NBEAL1: variants seen among roughly 807,000 people sequenced by gnomAD.
NBEAL1 encodes neurobeachin-like protein 1.
Under a neutral mutation model 351.3 loss-of-function variants are expected in NBEAL1, and 273 were observed. That is an observed-to-expected ratio of 0.78 (90% CI 0.70 to 0.86). NBEAL1 has a LOEUF of 0.86. Ranked by LOEUF, NBEAL1 falls within the 40% of genes least tolerant of loss-of-function variation. The pLI is 0.00. For missense variants in NBEAL1, 2,961 were observed against 3,201.3 expected (o/e 0.92, Z 1.81); for synonymous variants, 1,050 against 1,086.4 (o/e 0.97, Z 0.66).
intron 44 of NBEAL1, among the ~76,000 whole-genome samples, chr2:203,183,899 G>A (rs1224028826): frequency 2.0e-5 from 3 of 151,042 alleles, no homozygotes; most frequent in Non-Finnish European, 4.4e-5. Flanking sequence ...CCAACATGGT[G>A]AAACCTCATG....
At chr2:203,181,667 T>G (rs2105738676) in intron 43 of NBEAL1, 1 of 152,324 alleles carries the variant, frequency 6.6e-6, no homozygotes. Flanking sequence ...TGACCCTTCA[T>G]TTATTCAGTA....
chr2:203,202,921 G>A, intron 51 of NBEAL1, 140 bp downstream of exon 51: 1 of 584,308 alleles, frequency 1.7e-6, no homozygotes, highest in Non-Finnish European at 3.0e-6. Flanking sequence ...ATTTTGTCCT[G>A]TTCAAATCAC....
chr2:203,208,553 A>C, intron 51 of NBEAL1, 84 bp from the exon 52 acceptor site: 2 of 874,086 alleles, frequency 2.3e-6, no homozygotes, highest in Non-Finnish European at 1.9e-6. Context: ...GTTTGTGATT[A>C]GAAGGTTTAA....
chr2:203,127,977 T>C (rs1405959484), intron 24 of NBEAL1, 40 bp downstream of exon 24: 1 of 1,437,402 alleles, frequency 7.0e-7, no homozygotes, highest in Non-Finnish European at 9.5e-7. Context: ...CTTTTTAACA[T>C]TTGAGTTGCT....
chr2:203,046,466 G>A (rs896858600), intron 3 of NBEAL1, among the ~76,000 whole-genome samples: 5 of 151,988 alleles, frequency 3.3e-5, no homozygotes, highest in African/African-American at 9.7e-5. Flanking sequence ...TGATCCACCC[G>A]CCTCGGCCTC....
At chr2:203,095,048 C>T (rs767483071) in intron 10 of NBEAL1, among the ~76,000 whole-genome samples, 1 of 151,998 alleles carries the variant, frequency 6.6e-6, no homozygotes, top group East Asian at 2.0e-4. Context: ...TGATTGAACC[C>T]AGGAGGTGGA....
intron 6 of NBEAL1, among the ~76,000 whole-genome samples, chr2:203,064,883 G>C (rs1453292287): frequency 6.6e-6 from 1 of 152,046 alleles, no homozygotes; most frequent in Non-Finnish European, 1.5e-5. Context: ...CTATACTGTG[G>C]TATTATATAA....
intron 49 of NBEAL1, among the ~76,000 whole-genome samples, chr2:203,201,106 T>A (rs1479138193): frequency 6.6e-6 from 1 of 152,224 alleles, no homozygotes; most frequent in Non-Finnish European, 1.5e-5. Flanking sequence ...TCATAAGTGT[T>A]GTTAGATACA....
In NBEAL1 at chr2:203,127,895, A is replaced by G; in HGVS notation, c.3363A>G (p.Gln1121=). The G allele has an allele frequency of 1.9e-6, 3 of 1,552,374 alleles. No individual in the cohort carries two copies. Among genetic ancestry groups the G allele is most frequent in the Non-Finnish European group, 2.6e-6 (3 of 1,146,144 alleles). ...LCKGGSHEEI[Q]SIMGYIAATN... ...AAGGTGGATCTCATGAAGAGATACA[A>G]AGTATTATGGGGTACATAGCTGCTA... The change falls in exon 24 of 56, where the codon CAA becomes CAG. Residue 1121 remains glutamine, a synonymous_variant. Transcript: ENST00000683969.
intron 11 of NBEAL1, among the ~76,000 whole-genome samples, chr2:203,098,325 A>G (rs1470306488): frequency 6.6e-6 from 1 of 152,200 alleles, no homozygotes; most frequent in Non-Finnish European, 1.5e-5. Context: ...GTCCAAGTTT[A>G]TAAATAGAAT....
intron 55 of NBEAL1, among the ~76,000 whole-genome samples, chr2:203,215,450 A>G (rs943254596): frequency 1.3e-5 from 2 of 152,150 alleles, no homozygotes; most frequent in Non-Finnish European, 2.9e-5. Flanking sequence ...TGGAGGTTGC[A>G]GTGAGCCGAG....
intron 18 of NBEAL1, among the ~76,000 whole-genome samples, chr2:203,121,776 C>A (rs1219199172): frequency 6.6e-6 from 1 of 151,554 alleles, no homozygotes; most frequent in East Asian, 1.9e-4. Context: ...ATTCCTGATT[C>A]TTTCTTTTTT....
intron 46 of NBEAL1, among the ~76,000 whole-genome samples, chr2:203,191,790 C>T (rs545028568): frequency 1.2e-4 from 18 of 152,256 alleles, no homozygotes; most frequent in African/African-American, 4.3e-4. Context: ...TCTAGCATGC[C>T]ATGTTTCCTC....
rs1413930125 is a variant in NBEAL1 at position 203,112,127 on chromosome 2, G to T, written c.2202+29G>T. Reference sequence around the variant, plus strand: ...AGTATATCCAACCTACTCTTTACGGGCCCTATTGGTTGAGAATTCTTGAAA... The same window carrying T: ...AGTATATCCAACCTACTCTTTACGGTCCCTATTGGTTGAGAATTCTTGAAA... On this transcript the variant is annotated intron_variant, in intron 16 of 55. Coordinates refer to ENST00000683969, the MANE Select transcript of NBEAL1 (RefSeq NM_001378026.1). 8 of 1,532,280 alleles carry T rather than the reference G, an allele frequency of 5.2e-6. No homozygotes were observed. The African/African-American group carries it at 1.1e-4, about 21-fold the overall frequency. 94.9% of individuals were successfully genotyped at this position (1,532,280 alleles called of 1,614,324 possible).
At chr2:203,157,669 T>A in intron 35 of NBEAL1, 30 bp from the exon 36 acceptor site, 1 of 1,521,354 alleles carries the variant, frequency 6.6e-7, no homozygotes, top group Non-Finnish European at 8.8e-7. Flanking sequence ...TTTTACTTTA[T>A]GTTTAATAGA....
intron 44 of NBEAL1, among the ~76,000 whole-genome samples, chr2:203,185,690 G>T (rs552040263): frequency 1.3e-5 from 2 of 152,050 alleles, no homozygotes; most frequent in Non-Finnish European, 2.9e-5. Context: ...GCATCGAAAC[G>T]GTAGGATGCT....
chr2:203,119,424 C>CTTTTTTGTTTTTT (rs2062776654), intron 18 of NBEAL1, among the ~76,000 whole-genome samples: 1 of 66,656 alleles, frequency 1.5e-5, no homozygotes, highest in Non-Finnish European at 2.6e-5. Flanking sequence ...CGGCCTGTTG[C>CTTTTTTGTTTTTT]TTTTTTTTTT....
At chr2:203,213,972 G>T (rs1436158807) in intron 55 of NBEAL1, among the ~76,000 whole-genome samples, 2 of 152,106 alleles carry the variant, frequency 1.3e-5, no homozygotes, top group Admixed American at 1.3e-4. Context: ...TAAAATATAG[G>T]CTCAAACAAT....
chr2:203,144,067 C>A lies in NBEAL1; in HGVS notation c.4849-533C>A, dbSNP rs541945117. The stretch of plus-strand genomic sequence containing the variant: ...TCTACTAAAAATACAAAAAATTAGC[C>A]GGACATGGTGGCAGGCGCCTGTAAT... On this transcript the variant is annotated intron_variant, in intron 31 of 55. Transcript: ENST00000683969. 1.4e-4 allele frequency among the ~76,000 whole-genome samples: 22 copies of A among 151,808 alleles called. No homozygotes were observed. In the East Asian group the frequency reaches 4.3e-3, roughly 30 times the overall value.
Sources: allele counts gnomAD v4.1 joint callset (sites outside exome capture counted in the v4.1 genomes callset), GRCh38; gene constraint gnomAD v4.1.1; transcripts MANE v1.5; gene names NCBI Gene and HGNC (gene_info 2026-07-23, HGNC 2026-07-21).